Variants in ANK1 observed in about 807,000 individuals in gnomAD.
ANK1 encodes ankyrin-1.
Under a neutral mutation model 210.4 loss-of-function variants are expected in ANK1, and 51 were observed. The ratio of observed to expected loss-of-function variants is 0.24; its 90% CI spans 0.19 to 0.31. The LOEUF is 0.31. ANK1 is among the 10% of genes least tolerant of loss of function. ANK1 has a pLI of 1.00. For missense variants in ANK1, 2,051 were observed against 2,504.4 expected (o/e 0.82, Z 3.86); for synonymous variants, 967 against 1,025.9 (o/e 0.94, Z 1.10).
intron 1 of ANK1, chr8:41,828,042 A>G (rs1235344349): frequency 2.0e-5 from 3 of 149,442 alleles, no homozygotes; most frequent in Admixed American, 6.8e-5. Flanking sequence ...CAACTCTCCT[A>G]TTAAAACAGA....
At chr8:41,803,085 G>GGAAGGA (rs1563811160) in intron 1 of ANK1, among the ~76,000 whole-genome samples, 1 of 59,996 alleles carries the variant, frequency 1.7e-5, no homozygotes, top group Non-Finnish European at 3.1e-5. Flanking sequence ...GGAAGGAAGG[G>GGAAGGA]AAGGAAAGGA....
chr8:41,784,873 G>A (rs1033479638), intron 1 of ANK1, among the ~76,000 whole-genome samples: 2 of 152,224 alleles, frequency 1.3e-5, no homozygotes, highest in African/African-American at 4.8e-5. Flanking sequence ...AGCGTTTCTT[G>A]AAGGAATGGG....
rs779171683 is a variant in ANK1 at position 41,725,851 on chromosome 8, G to C, written c.522C>G (p.Leu174=). 1.9e-6 allele frequency: 3 copies of C among 1,612,078 alleles called. No homozygotes were observed. In the South Asian group the frequency reaches 3.3e-5, roughly 18 times the overall value. Residue 174 remains leucine (L), a synonymous_variant, in exon 6 of 43, where the codon CTC becomes CTG. Transcript: ENST00000289734. The part of the protein sequence containing the change: ...INYGTKGKVR[L]PALHIAARND... ...TGCGGGCCGCGATGTGCAGGGCCGGGAGGCGCACCTTCCCCTTGGTGCCGT... is the reference window on the plus strand; with the variant it reads ...TGCGGGCCGCGATGTGCAGGGCCGGCAGGCGCACCTTCCCCTTGGTGCCGT...
At chr8:41,855,017 T>C (rs1245087950) in intron 1 of ANK1, among the ~76,000 whole-genome samples, 2 of 152,036 alleles carry the variant, frequency 1.3e-5, no homozygotes, top group Admixed American at 6.6e-5. Context: ...AGAATCTGCA[T>C]TTCCCAAGAT....
intron 2 of ANK1, among the ~76,000 whole-genome samples, chr8:41,734,644 C>T (rs1055871407): frequency 2.0e-5 from 3 of 151,994 alleles, no homozygotes; most frequent in Non-Finnish European, 2.9e-5. Context: ...GTAGTCGCAG[C>T]GCTTTGGGAG....
intron 1 of ANK1, among the ~76,000 whole-genome samples, chr8:41,788,417 C>A (rs1209383549): frequency 6.6e-6 from 1 of 152,118 alleles, no homozygotes; most frequent in Non-Finnish European, 1.5e-5. Context: ...GTTTCCAAAC[C>A]TGCTATCCTC....
intron 5 of ANK1, among the ~76,000 whole-genome samples, chr8:41,726,253 G>C (rs1164843366): frequency 2.6e-5 from 4 of 152,156 alleles, no homozygotes; most frequent in Non-Finnish European, 5.9e-5. Flanking sequence ...TGACTGCTCA[G>C]ATTCTTTGCC....
chr8:41,715,333 G>A (rs1289565643), intron 14 of ANK1, among the ~76,000 whole-genome samples: 1 of 152,214 alleles, frequency 6.6e-6, no homozygotes, highest in East Asian at 1.9e-4. Context: ...CTGAGGGCAG[G>A]GTATGAGTCT....
chr8:41,867,007 T>C (rs908455932), intron 1 of ANK1, among the ~76,000 whole-genome samples: 5 of 152,372 alleles, frequency 3.3e-5, no homozygotes, highest in African/African-American at 1.2e-4. Context: ...GGTGATTCTA[T>C]TTTTAATTTT....
upstream of ANK1, among the ~76,000 whole-genome samples, chr8:41,798,070 G>A (rs915585145): frequency 2.6e-5 from 4 of 151,930 alleles, no homozygotes; most frequent in African/African-American, 9.7e-5. Context: ...CTAAGGAGGG[G>A]GAGGCTCTGT....
At position 41,724,185 on chromosome 8, in the gene ANK1, AG is replaced by A. The variant is rs989131985; in HGVS notation, c.711+270del. On this transcript the variant is annotated intron_variant, in intron 7 of 42. Coordinates refer to ENST00000289734, the MANE Select transcript of ANK1 (RefSeq NM_000037.4). ...TCCCAGAGTCAACATAACAGACTGCAGGAAAGTCAGTTATATGGAAATCACT... is the reference window on the plus strand; with the variant it reads ...TCCCAGAGTCAACATAACAGACTGCAGAAAGTCAGTTATATGGAAATCACT... Among the ~76,000 whole-genome samples the A allele has an allele frequency of 4.7e-4, 72 of 152,316 alleles. 3 individuals are homozygous for A. The highest frequency in any genetic ancestry group is 1.7e-3 in the African/African-American group (69 of 41,560).
chr8:41,664,731 A>T, intron 39 of ANK1: 1 of 1,440,538 alleles, frequency 6.9e-7, no homozygotes, highest in Non-Finnish European at 9.4e-7. Context: ...GGAGCTCCCC[A>T]CAGCAGCGTC....
At chr8:41,885,539 T>C (rs1276345820) in intron 1 of ANK1, among the ~76,000 whole-genome samples, 1 of 152,230 alleles carries the variant, frequency 6.6e-6, no homozygotes, top group Non-Finnish European at 1.5e-5. Flanking sequence ...CCTGGGTCCC[T>C]TGCATTGTGT....
chr8:41,722,637 T>C (rs117222184), intron 9 of ANK1, among the ~76,000 whole-genome samples: 6,329 of 152,334 alleles, frequency 0.042, 169 homozygotes, highest in Non-Finnish European at 0.056. Flanking sequence ...CGCTTCAGTC[T>C]GGCCCAGGCT....
chr8:41,702,277 G>A lies in ANK1; in HGVS notation c.2296-133C>T, dbSNP rs1233352199. The A allele has an allele frequency of 3.2e-5, 22 of 691,774 alleles. No homozygotes were observed. The East Asian group carries it at 5.6e-4, about 18-fold the overall frequency. The allele number at this position is 691,774 out of a possible 1,614,324, so 42.9% of individuals were successfully genotyped here. A position where few individuals can be genotyped will look rare whatever the true frequency, so the allele number is the denominator to read the frequency against. ...CTGAGTGGACAGACGTCACCGTGGGGCCCAGAAAGAGATCCCTGCACGTGT... is the reference window on the plus strand; with the variant it reads ...CTGAGTGGACAGACGTCACCGTGGGACCCAGAAAGAGATCCCTGCACGTGT... On this transcript the variant is annotated intron_variant, in intron 20 of 42. Transcript: ENST00000289734.
intron 12 of ANK1, among the ~76,000 whole-genome samples, chr8:41,717,304 G>A (rs1827961925): frequency 6.6e-6 from 1 of 152,200 alleles, no homozygotes; most frequent in African/African-American, 2.4e-5. Context: ...TGTATTCTAG[G>A]TACACTTAAA....
At position 41,694,762 on chromosome 8, in the gene ANK1, G is replaced by T; in HGVS notation, c.3157C>A (p.Arg1053=). 1 of 1,614,070 alleles carries T rather than the reference G, an allele frequency of 6.2e-7. No homozygotes were observed. Among genetic ancestry groups the T allele is most frequent in the Non-Finnish European group, 8.5e-7 (1 of 1,180,000 alleles). The change falls in exon 28 of 43, where the codon CGA becomes AGA. Residue 1053 remains arginine (R), a synonymous_variant. Transcript: ENST00000289734. This position sits in a 1 kb window ranked among gnomAD's most constrained non-coding sequence, Gnocchi z 5.7. The part of the protein sequence containing the change: ...LEELEKKRVC[R]IITTDFPLYF... Reference sequence around the variant, plus strand: ...AGCGGGAAGTCGGTGGTGATGATTCGGCACACCCTCTTCTTCTCTAGCTCC... The same window carrying T: ...AGCGGGAAGTCGGTGGTGATGATTCTGCACACCCTCTTCTTCTCTAGCTCC...
At chr8:41,767,356 C>G (rs1032165406) in intron 1 of ANK1, among the ~76,000 whole-genome samples, 3 of 151,360 alleles carry the variant, frequency 2.0e-5, no homozygotes, top group African/African-American at 7.3e-5. Flanking sequence ...GGGTCTGGCC[C>G]GGACCTGCCC....
intron 40 of ANK1, among the ~76,000 whole-genome samples, chr8:41,663,391 T>G (rs1809235082): frequency 6.6e-6 from 1 of 152,154 alleles, no homozygotes. Context: ...TCTGGGATGT[T>G]TCCTGGGGGC....
Sources: allele counts gnomAD v4.1 joint callset (sites outside exome capture counted in the v4.1 genomes callset), GRCh38; gene constraint gnomAD v4.1.1; non-coding constraint Gnocchi (gnomAD v3.1); transcripts MANE v1.5; gene names NCBI Gene and HGNC (gene_info 2026-07-23, HGNC 2026-07-21).